Variants in CACNA2D4 observed in about 807,000 individuals in gnomAD.
CACNA2D4 encodes calcium voltage-gated channel auxiliary subunit alpha2delta 4, also known as voltage-dependent calcium channel subunit alpha-2/delta-4.
A neutral mutation model predicts 163.8 loss-of-function variants in CACNA2D4; 157 were observed. The observed-to-expected ratio is 0.96, with a 90% CI of 0.84 to 1.09. The LOEUF (loss-of-function observed/expected upper bound fraction) is 1.09. Among genes scored for constraint, CACNA2D4 ranks in the 50% least tolerant of loss-of-function variants. The probability of loss-of-function intolerance (pLI) is 0.00; values close to 1 mark genes in which losing one functional copy is unlikely to be tolerated. For missense variants in CACNA2D4, 1,410 were observed against 1,479.9 expected (o/e 0.95, Z 0.78); for synonymous variants, 598 against 586.9 (o/e 1.02, Z -0.27).
intron 2 of CACNA2D4, among the ~76,000 whole-genome samples, chr12:1,914,650 C>A (rs1043561767): frequency 1.3e-5 from 2 of 152,230 alleles, no homozygotes; most frequent in Admixed American, 1.3e-4. Flanking sequence ...TGACACAATG[C>A]TCTTGACCAC....
In CACNA2D4 at chr12:1,844,450, G is replaced by A. The variant is rs558630219; in HGVS notation, c.2422C>T (p.His808Tyr). ...FPLWYRQASE[H>Y]PAGSFVFNLR... ...TTGAAGACGAAGCTGCCAGCAGGATGCTCTGAGGCCTGGCGGTACCACAGC... is the reference window on the plus strand; with the variant it reads ...TTGAAGACGAAGCTGCCAGCAGGATACTCTGAGGCCTGGCGGTACCACAGC... Residue 808 changes from histidine to tyrosine, a missense_variant, in exon 25 of 38, where the codon CAT becomes TAT. Coordinates refer to ENST00000382722, the MANE Select transcript of CACNA2D4 (RefSeq NM_172364.5). The surrounding 1 kb of genome is among the most constrained non-coding windows in gnomAD (Gnocchi z 4.2). 1.9e-6 allele frequency: 3 copies of A among 1,613,650 alleles called. No individual in the cohort carries two copies. Among genetic ancestry groups the A allele is most frequent in the African/African-American group, 1.3e-5 (1 of 75,062 alleles).
intron 6 of CACNA2D4, among the ~76,000 whole-genome samples, chr12:1,906,727 A>G (rs191220014): frequency 4.5e-4 from 69 of 152,374 alleles, no homozygotes; most frequent in Admixed American, 9.1e-4. Context: ...ATTCTGGCAG[A>G]GGAACACAAT....
At chr12:1,793,888 G>A (rs1337420182) in intron 37 of CACNA2D4, 129 bp from the exon 38 acceptor site, 4 of 697,616 alleles carry the variant, frequency 5.7e-6, no homozygotes, top group African/African-American at 5.3e-5. Context: ...GGGAAGCACT[G>A]CTACCTCTCT....
chr12:1,886,562 C>T (rs938101656), intron 7 of CACNA2D4, among the ~76,000 whole-genome samples, 189 bp from the exon 8 acceptor site: 5 of 152,160 alleles, frequency 3.3e-5, no homozygotes, highest in African/African-American at 9.7e-5. Flanking sequence ...TCTGGGGTGG[C>T]AGTGGTTGGG....
At chr12:1,808,762 G>C (rs145490818) in intron 29 of CACNA2D4, among the ~76,000 whole-genome samples, 1 of 152,336 alleles carries the variant, frequency 6.6e-6, no homozygotes, top group East Asian at 1.9e-4. Context: ...GTCGGAGCAC[G>C]AATGAGGGGG....
At chr12:1,882,823 C>T (rs778591405) in intron 13 of CACNA2D4, 44 bp downstream of exon 13, 7 of 1,609,322 alleles carry the variant, frequency 4.3e-6, no homozygotes, top group Non-Finnish European at 5.9e-6. Flanking sequence ...GGGTCCCTAA[C>T]TCTGAGGTGG....
chr12:1,858,482 C>T, intron 20 of CACNA2D4, 95 bp downstream of exon 20: 1 of 1,090,464 alleles, frequency 9.2e-7, no homozygotes, highest in South Asian at 1.3e-5. Context: ...GGGAGGCTGT[C>T]ACACTGGCTC....
At position 1,793,488 on chromosome 12, in the gene CACNA2D4, G is replaced by A; in HGVS notation, c.*167C>T. The A allele has an allele frequency of 1.5e-6, 1 of 664,266 alleles. No individual in the cohort carries two copies. The highest frequency in any genetic ancestry group is 2.8e-6 in the Non-Finnish European group (1 of 362,476). 41.1% of individuals were successfully genotyped at this position (664,266 alleles called of 1,614,324 possible). ...AGTGGTGCCAGGTGATTGGTTTCCT[G>A]TTCCATCCAGCATTCTCCGGAGCCA... is the stretch of plus-strand genomic sequence containing the variant. On this transcript the variant is annotated 3_prime_UTR_variant, in exon 38 of 38. Coordinates refer to ENST00000382722, the MANE Select transcript of CACNA2D4 (RefSeq NM_172364.5).
chr12:1,804,123 G>C (rs1244582151), intron 29 of CACNA2D4, among the ~76,000 whole-genome samples: 2 of 55,012 alleles, frequency 3.6e-5, no homozygotes, highest in Non-Finnish European at 7.8e-5. Context: ...TCTAGTTACT[G>C]TGTGTGTGTG....
intron 26 of CACNA2D4, among the ~76,000 whole-genome samples, chr12:1,816,735 A>G (rs57568326): frequency 0.028 from 4,204 of 152,234 alleles, 189 homozygotes; most frequent in African/African-American, 0.095. Flanking sequence ...AAACCAAACA[A>G]CTGTGCATGC....
intron 35 of CACNA2D4, 172 bp from the exon 36 acceptor site, chr12:1,795,952 C>T: frequency 1.6e-6 from 1 of 610,008 alleles, no homozygotes; most frequent in Non-Finnish European, 2.9e-6. Context: ...ATGGCTCAGT[C>T]CTACTGGCTT....
intron 18 of CACNA2D4, among the ~76,000 whole-genome samples, chr12:1,872,411 CG>C (rs1427703359): frequency 6.6e-6 from 1 of 152,208 alleles, no homozygotes; most frequent in Non-Finnish European, 1.5e-5. Flanking sequence ...ACACGGCAGG[CG>C]GTCCTGTACC....
At chr12:1,810,387 C>T (rs2286376) in intron 28 of CACNA2D4, 47 bp from the exon 29 acceptor site, 25,095 of 1,577,692 alleles carry the variant, frequency 0.016, 812 homozygotes, top group African/African-American at 0.09. Context: ...CCTCACCCAC[C>T]CCGGTCCTCC....
At chr12:1,841,864 C>A (rs186672214) in intron 25 of CACNA2D4, among the ~76,000 whole-genome samples, 57 of 152,298 alleles carry the variant, frequency 3.7e-4, no homozygotes, top group Non-Finnish European at 7.4e-4. Context: ...CTCAAGAAAC[C>A]TAAAACTGCA....
intron 24 of CACNA2D4, 92 bp downstream of exon 24, chr12:1,846,502 C>G (rs7138458): frequency 9.8e-7 from 1 of 1,016,404 alleles, no homozygotes; most frequent in Admixed American, 2.0e-5. Context: ...AGACCCGGTG[C>G]CAGTCCACCC....
chr12:1,880,840 C>T (rs1865978158), intron 13 of CACNA2D4, among the ~76,000 whole-genome samples: 2 of 152,220 alleles, frequency 1.3e-5, no homozygotes, highest in African/African-American at 4.8e-5. Flanking sequence ...GAGGGCTTTC[C>T]AGTCTCCTTC....
intron 16 of CACNA2D4, among the ~76,000 whole-genome samples, chr12:1,876,213 A>G (rs944589735): frequency 2.0e-5 from 3 of 152,228 alleles, no homozygotes; most frequent in African/African-American, 7.2e-5. Flanking sequence ...TGTATTAGCC[A>G]TACCTTCCAG....
chr12:1,819,742 G>C (rs1387886235), intron 26 of CACNA2D4, among the ~76,000 whole-genome samples: 1 of 152,196 alleles, frequency 6.6e-6, no homozygotes, highest in Non-Finnish European at 1.5e-5. Context: ...TTGAATGACA[G>C]TCTCTTCCCT....
chr12:1,812,940 G>A (rs1863758551), intron 26 of CACNA2D4, among the ~76,000 whole-genome samples: 1 of 152,172 alleles, frequency 6.6e-6, no homozygotes, highest in Admixed American at 6.5e-5. Flanking sequence ...CCAGTTGGTG[G>A]GAGTTCCAGT....
Sources: allele counts gnomAD v4.1 joint callset (sites outside exome capture counted in the v4.1 genomes callset), GRCh38; gene constraint gnomAD v4.1.1; non-coding constraint Gnocchi (gnomAD v3.1); transcripts MANE v1.5; gene names NCBI Gene and HGNC (gene_info 2026-07-23, HGNC 2026-07-21).